EML6: variants seen among roughly 807,000 people sequenced by gnomAD.
The protein encoded by EML6 is EMAP like 6.
In EML6, 154 loss-of-function variants were observed where a neutral mutation model predicts 240.1. That is an observed-to-expected ratio of 0.64 (90% CI 0.56 to 0.73). The LOEUF (loss-of-function observed/expected upper bound fraction) is 0.73, where lower values mean the gene tolerates loss of function less well. Ranked by LOEUF, EML6 falls within the 30% of genes least tolerant of loss-of-function variation. EML6 has a pLI of 0.00. For synonymous variants in EML6, 1,148 were observed against 899.0 expected (o/e 1.28, Z -4.95); for missense variants, 2,964 against 2,474.6 (o/e 1.20, Z -4.20).
chr2:54,859,690 C>G lies in EML6; in HGVS notation c.1814C>G (p.Thr605Ser). 2 of 1,536,864 alleles carry G rather than the reference C, an allele frequency of 1.3e-6. No individual in the cohort carries two copies. Among genetic ancestry groups the G allele is most frequent in the Non-Finnish European group, 8.7e-7 (1 of 1,143,120 alleles). Reference protein sequence around the residue: ...PEGVSNGMLETAPQEGGADSY... With the variant: ...PEGVSNGMLESAPQEGGADSY... Reference sequence around the variant, plus strand: ...GGTGTCAGCAACGGCATGCTGGAAACTGCACCCCAAGGTAAACCCAGCAAT... The same window carrying G: ...GGTGTCAGCAACGGCATGCTGGAAAGTGCACCCCAAGGTAAACCCAGCAAT... Residue 605 changes from threonine (T) to serine (S), a missense_variant, in exon 12 of 42, where the codon ACT becomes AGT. Thr to Ser is a moderately conservative substitution (Grantham distance 58). Transcript: ENST00000356458.
chr2:54,918,352 CT>C (rs1674042144), intron 26 of EML6, among the ~76,000 whole-genome samples: 1 of 152,142 alleles, frequency 6.6e-6, no homozygotes, highest in African/African-American at 2.4e-5. Flanking sequence ...TTTATTTTAA[CT>C]AATGAATGAA....
chr2:54,762,563 G>GA (rs1477401913), intron 2 of EML6, among the ~76,000 whole-genome samples: 2 of 151,990 alleles, frequency 1.3e-5, no homozygotes, highest in African/African-American at 4.8e-5. Context: ...CTGAATTTGT[G>GA]ACTTTTAAAA....
At chr2:54,934,464 A>C (rs1456007177) in intron 28 of EML6, among the ~76,000 whole-genome samples, 1 of 152,138 alleles carries the variant, frequency 6.6e-6, no homozygotes, top group East Asian at 1.9e-4. Context: ...TTTCAGGTCA[A>C]TCTAAATTCC....
chr2:54,947,894 C>G (rs906424489), intron 28 of EML6, among the ~76,000 whole-genome samples: 2 of 152,142 alleles, frequency 1.3e-5, no homozygotes, highest in Non-Finnish European at 2.9e-5. Flanking sequence ...TGGTGTGTGC[C>G]ACACAGGAAT....
At chr2:54,915,917 C>G (rs1353139086) in intron 25 of EML6, among the ~76,000 whole-genome samples, 4 of 152,120 alleles carry the variant, frequency 2.6e-5, no homozygotes, top group Non-Finnish European at 4.4e-5. Context: ...GATAAAATCT[C>G]CCAGAAAGCC....
chr2:54,873,739 A>C (rs540687578), intron 16 of EML6, among the ~76,000 whole-genome samples: 1 of 145,078 alleles, frequency 6.9e-6, no homozygotes, highest in East Asian at 2.0e-4. Context: ...CCGTTAAAGT[A>C]GCAAAAATAA....
intron 30 of EML6, 46 bp downstream of exon 30, chr2:54,950,825 T>C: frequency 5.9e-6 from 9 of 1,533,242 alleles, no homozygotes; most frequent in Non-Finnish European, 7.0e-6. Context: ...AGCTGTTTTT[T>C]ACATGCTTTC....
chr2:54,950,138 C>A (rs142786794), intron 29 of EML6, among the ~76,000 whole-genome samples: 179 of 135,048 alleles, frequency 1.3e-3, no homozygotes, highest in African/African-American at 6.3e-3. Context: ...TCAACAGTAT[C>A]TAGTTTTTGG....
In EML6 at chr2:54,870,525, C is replaced by T. The variant is rs186042193; in HGVS notation, c.2239-975C>T. On this transcript the variant is annotated intron_variant, in intron 15 of 41. Coordinates refer to ENST00000356458, the MANE Select transcript of EML6 (RefSeq NM_001039753.4). ...ATACATGAATTTGCTGTCCCTCCAA[C>T]TGAAAATTAGAGACCTACTGTGTTA... 7.2e-5 allele frequency among the ~76,000 whole-genome samples: 11 copies of T among 152,318 alleles called. No individual in the cohort carries two copies. In the East Asian group the frequency reaches 2.1e-3, roughly 29 times the overall value.
chr2:54,935,562 A>C (rs1234822065), intron 28 of EML6, among the ~76,000 whole-genome samples: 1 of 152,270 alleles, frequency 6.6e-6, no homozygotes, highest in Non-Finnish European at 1.5e-5. Flanking sequence ...ACCCAATTAA[A>C]GTGAAACAAT....
At chr2:54,804,061 C>T (rs998571347) in intron 2 of EML6, among the ~76,000 whole-genome samples, 1 of 152,204 alleles carries the variant, frequency 6.6e-6, no homozygotes. Flanking sequence ...ATAGTATAAA[C>T]TAGCAAATTA....
intron 24 of EML6, among the ~76,000 whole-genome samples, chr2:54,910,532 A>G (rs951502847): frequency 1.9e-4 from 29 of 152,240 alleles, no homozygotes; most frequent in Admixed American, 1.8e-3. Context: ...GTAAATGTGA[A>G]TGCTCACAGT....
chr2:54,897,010 C>T (rs1275376762), intron 21 of EML6, among the ~76,000 whole-genome samples: 1 of 152,158 alleles, frequency 6.6e-6, no homozygotes, highest in Non-Finnish European at 1.5e-5. Context: ...TCCAGCTGTT[C>T]TTGCTTTTGT....
intron 28 of EML6, among the ~76,000 whole-genome samples, chr2:54,938,973 C>T (rs1675289805): frequency 6.6e-6 from 1 of 152,142 alleles, no homozygotes; most frequent in African/African-American, 2.4e-5. Flanking sequence ...CTCTCCTCTC[C>T]CAAGTAGGTT....
chr2:54,791,808 A>G (rs904213820), intron 2 of EML6, among the ~76,000 whole-genome samples: 2 of 152,204 alleles, frequency 1.3e-5, no homozygotes, highest in African/African-American at 4.8e-5. Flanking sequence ...ACTACAAAGT[A>G]GCTGTGCTCT....
chr2:54,968,087 G>A (rs935874187), intron 39 of EML6, 41 bp from the exon 40 acceptor site: 13 of 1,542,810 alleles, frequency 8.4e-6, no homozygotes, highest in Middle Eastern at 2.2e-4. Flanking sequence ...AGCCTTCGCC[G>A]TGACTTCCTT....
intron 35 of EML6, among the ~76,000 whole-genome samples, chr2:54,961,905 G>A (rs1005952882): frequency 6.6e-6 from 1 of 151,578 alleles, no homozygotes; most frequent in Admixed American, 6.5e-5. Context: ...TGGGGAGGCT[G>A]AGGCAGGAGA....
chr2:54,863,945 G>C, intron 13 of EML6, 56 bp downstream of exon 13: 1 of 940,198 alleles, frequency 1.1e-6, no homozygotes, highest in South Asian at 1.6e-5. Flanking sequence ...TCTCATTCCT[G>C]GATTTGGACA....
intron 2 of EML6, among the ~76,000 whole-genome samples, chr2:54,770,937 G>C (rs554663299): frequency 1.3e-5 from 2 of 152,218 alleles, no homozygotes; most frequent in Non-Finnish European, 2.9e-5. Flanking sequence ...CTTCATGTTG[G>C]TGAATGGTTG....
Sources: allele counts gnomAD v4.1 joint callset (sites outside exome capture counted in the v4.1 genomes callset), GRCh38; gene constraint gnomAD v4.1.1; transcripts MANE v1.5; gene names NCBI Gene and HGNC (gene_info 2026-07-23, HGNC 2026-07-21).